Variants in PTPRJ observed in about 807,000 individuals in gnomAD.
PTPRJ encodes the protein receptor-type tyrosine-protein phosphatase eta.
Under a neutral mutation model 141.3 loss-of-function variants are expected in PTPRJ, and 129 were observed. The observed-to-expected ratio is 0.91, with a 90% CI of 0.79 to 1.06. The LOEUF (loss-of-function observed/expected upper bound fraction) is 1.06. PTPRJ is among the 50% of genes least tolerant of loss of function. The pLI is 0.00. For missense variants in PTPRJ, 1,601 were observed against 1,679.7 expected, an observed-to-expected ratio of 0.95 and a Z score of 0.82; for synonymous variants, 610 against 640.5, an observed-to-expected ratio of 0.95 and a Z score of 0.72.
At chr11:48,141,463 G>A (rs747450382) in intron 11 of PTPRJ, among the ~76,000 whole-genome samples, 4 of 152,112 alleles carry the variant, frequency 2.6e-5, no homozygotes, top group African/African-American at 4.8e-5. Flanking sequence ...AAAATGTGGG[G>A]ACTGTTTATG....
rs4752904 is a variant in PTPRJ at position 48,144,715 on chromosome 11, G to T, written c.2616G>T (p.Glu872Asp). Reference sequence around the variant, plus strand: ...CAGATGTCCTGAAATACACGTATGAGGATTTCAAAAAGGGAGCCTCAGATA... The same window carrying T: ...CAGATGTCCTGAAATACACGTATGATGATTTCAAAAAGGGAGCCTCAGATA... ...PSADVLKYTYEDFKKGASDTY... is the reference protein window; with the variant it reads ...PSADVLKYTYDDFKKGASDTY... Residue 872 changes from glutamate (E) to aspartate (D), a missense_variant, in exon 13 of 25, where the codon GAG becomes GAT. Transcript: ENST00000418331. 19 of 1,613,806 alleles carry T rather than the reference G, an allele frequency of 1.2e-5. No homozygotes were observed. The highest frequency in any genetic ancestry group is 1.2e-4 in the Admixed American group (7 of 60,004).
chr11:48,106,639 T>C (rs1322179242), intron 1 of PTPRJ, among the ~76,000 whole-genome samples: 1 of 152,128 alleles, frequency 6.6e-6, no homozygotes, highest in East Asian at 1.9e-4. Context: ...GATGTGTATG[T>C]ACATGTAGGA....
Position 48,168,353 on chromosome 11 carries a change from T to C in PTPRJ, c.*991T>C, listed in dbSNP as rs1401099654. On this transcript the variant is annotated 3_prime_UTR_variant, in exon 25 of 25. Transcript: ENST00000418331. ...AGTGATTCATGATGTTCTAGGTTTT[T>C]AGTAACGTTTTACTCAGGTTGGCAT... 6.6e-6 allele frequency: 1 copy of C among 151,682 alleles called. No homozygotes were observed. The highest frequency in any genetic ancestry group is 1.5e-5 in the Non-Finnish European group (1 of 67,946). The allele number at this position is 151,682 out of a possible 1,614,324, so 9.4% of individuals were successfully genotyped here.
intron 1 of PTPRJ, among the ~76,000 whole-genome samples, chr11:48,012,950 C>T (rs1854846315): frequency 6.6e-6 from 1 of 151,802 alleles, no homozygotes; most frequent in Admixed American, 6.6e-5. Context: ...ACTAAAAATA[C>T]AAAAATTAAC....
chr11:48,115,871 A>G (rs1403170972), intron 3 of PTPRJ, among the ~76,000 whole-genome samples: 2 of 152,204 alleles, frequency 1.3e-5, no homozygotes, highest in Non-Finnish European at 1.5e-5. Flanking sequence ...ACCTGTTATA[A>G]CTATAAGATT....
chr11:48,019,917 A>C (rs962979463), intron 1 of PTPRJ, among the ~76,000 whole-genome samples: 2 of 152,182 alleles, frequency 1.3e-5, no homozygotes, highest in African/African-American at 4.8e-5. Context: ...TATTGTTTAA[A>C]AAGAGCGATA....
At chr11:48,050,576 C>CT (rs1854539788) in intron 1 of PTPRJ, among the ~76,000 whole-genome samples, 1 of 152,200 alleles carries the variant, frequency 6.6e-6, no homozygotes, top group South Asian at 2.1e-4. Flanking sequence ...CAAATGCCTG[C>CT]TGTATTCCAG....
At chr11:48,029,063 A>G (rs371128098) in intron 1 of PTPRJ, among the ~76,000 whole-genome samples, 2 of 152,208 alleles carry the variant, frequency 1.3e-5, no homozygotes, top group African/African-American at 2.4e-5. Context: ...TGAGCACAAC[A>G]TTGGCCCTAG....
intron 1 of PTPRJ, among the ~76,000 whole-genome samples, chr11:48,042,696 ATT>A (rs1327089699): frequency 6.6e-6 from 1 of 151,946 alleles, no homozygotes; most frequent in Non-Finnish European, 1.5e-5. Flanking sequence ...CATTGGAGAC[ATT>A]TACAAGGATA....
intron 1 of PTPRJ, among the ~76,000 whole-genome samples, chr11:48,101,840 A>G (rs747653036): frequency 3.3e-5 from 5 of 152,352 alleles, no homozygotes; most frequent in African/African-American, 4.8e-5. Context: ...GAAGTCTTCA[A>G]CTGAAGAATT....
intron 1 of PTPRJ, among the ~76,000 whole-genome samples, chr11:48,006,529 C>G (rs1258845619): frequency 6.6e-6 from 1 of 152,150 alleles, no homozygotes; most frequent in Non-Finnish European, 1.5e-5. Flanking sequence ...AATCCAGAGA[C>G]TGTCAGTTTT....
intron 8 of PTPRJ, chr11:48,131,619 T>C: frequency 1.3e-6 from 1 of 743,316 alleles, no homozygotes; most frequent in Admixed American, 1.8e-5. Context: ...AATAAAGTTT[T>C]ATTGGATCAC....
At chr11:47,987,530 A>G (rs1327888208) in intron 1 of PTPRJ, among the ~76,000 whole-genome samples, 3 of 152,216 alleles carry the variant, frequency 2.0e-5, no homozygotes, top group Non-Finnish European at 4.4e-5. Flanking sequence ...AGCACCAACC[A>G]ACCAGTCACA....
chr11:47,981,330 C>T (rs1327822159), intron 1 of PTPRJ, among the ~76,000 whole-genome samples: 3 of 152,154 alleles, frequency 2.0e-5, no homozygotes, highest in South Asian at 2.1e-4. Context: ...CTGGCGGGCA[C>T]GGGCCCGGCT....
intron 2 of PTPRJ, among the ~76,000 whole-genome samples, chr11:48,112,040 C>T (rs1856454404): frequency 1.3e-5 from 2 of 152,016 alleles, no homozygotes; most frequent in Admixed American, 1.3e-4. Context: ...GAGCTGTGAT[C>T]CTGGGATCAG....
chr11:48,104,856 GTTCAAGGAC>G (rs1856245881), intron 1 of PTPRJ, among the ~76,000 whole-genome samples: 2 of 152,146 alleles, frequency 1.3e-5, no homozygotes, highest in African/African-American at 2.4e-5. Context: ...GGGTGGTTAA[GTTCAAGGAC>G]TTCAGGGTCC....
intron 3 of PTPRJ, among the ~76,000 whole-genome samples, chr11:48,120,456 G>A (rs11039525): frequency 0.016 from 2,421 of 152,062 alleles, 63 homozygotes; most frequent in African/African-American, 0.055. Flanking sequence ...ATGGAGTCTC[G>A]GTCTTGTCGC....
intron 16 of PTPRJ, chr11:48,149,761 G>A: frequency 1.8e-6 from 1 of 556,426 alleles, no homozygotes; most frequent in Non-Finnish European, 3.2e-6. Context: ...AGATCCAGGG[G>A]AGAGAAGAAC....
chr11:47,980,672 G>A lies in PTPRJ; in HGVS notation c.-241G>A, dbSNP rs990096874. On this transcript the variant is annotated 5_prime_UTR_variant, in exon 1 of 25. Transcript: ENST00000418331. ...TCGCTCCGCCCCGCGAAGCCCCTGC[G>A]CGCTCAGGGACGCGGCCCCCCCGCG... 193 of 987,316 alleles carry A rather than the reference G, an allele frequency of 2.0e-4. No individual in the cohort carries two copies. The highest frequency in any genetic ancestry group is 2.2e-4 in the Non-Finnish European group (187 of 832,538). 61.2% of individuals were successfully genotyped at this position (987,316 alleles called of 1,614,324 possible). A position where few individuals can be genotyped will look rare whatever the true frequency, so the allele number is the denominator to read the frequency against.
Sources: gnomAD v4.1 joint callset for allele counts (sites outside exome capture counted in the v4.1 genomes callset) on GRCh38, gnomAD v4.1.1 for gene constraint, MANE v1.5 for transcripts, NCBI Gene and HGNC (gene_info 2026-07-23, HGNC 2026-07-21) for gene names.